LTA: variants seen among roughly 807,000 people sequenced by gnomAD.
LTA encodes the protein lymphotoxin alpha.
A neutral mutation model predicts 15.1 loss-of-function variants in LTA; 6 were observed. The observed-to-expected ratio is 0.40, with a 90% CI of 0.22 to 0.78. The LOEUF is 0.78. Among genes scored for constraint, LTA ranks in the 30% least tolerant of loss-of-function variants. The pLI, the probability that LTA is intolerant of heterozygous loss-of-function variation, is 0.38. For missense variants in LTA, 173 were observed against 249.5 expected, an observed-to-expected ratio of 0.69 and a Z score of 2.06; for synonymous variants, 87 against 107.3, an observed-to-expected ratio of 0.81 and a Z score of 1.17.
chr6:31,562,852 TC>T, the LTA span, among the ~76,000 whole-genome samples: 8 of 82,682 alleles, frequency 9.7e-5, no homozygotes, highest in South Asian at 4.9e-4. Context: ...AGAGCGAGAC[TC>T]AGTCTCAAAA....
the LTA span, among the ~76,000 whole-genome samples, chr6:31,566,032 G>A: frequency 6.6e-6 from 1 of 152,048 alleles, no homozygotes; most frequent in Non-Finnish European, 1.5e-5. Context: ...ACCAAAATTA[G>A]CCAGGCACGG....
At chr6:31,572,677 T>TCCGCCGCGTGCC in intron 1 of LTA, 57 bp from the exon 2 acceptor site, 1 of 1,331,778 alleles carries the variant, frequency 7.5e-7, no homozygotes, top group Non-Finnish European at 1.1e-6. Flanking sequence ...AGGTCTGTCT[T>TCCGCCGCGTGCC]CCGCCGCGTG....
In LTA at chr6:31,573,610, G is replaced by A; in HGVS notation, c.535G>A (p.Asp179Asn). 3 of 1,614,158 alleles carry A rather than the reference G, an allele frequency of 1.9e-6. No homozygotes were observed. Among genetic ancestry groups the A allele is most frequent in the Non-Finnish European group, 2.5e-6 (3 of 1,180,014 alleles). Reference protein sequence around the residue: ...HGAAFQLTQGDQLSTHTDGIP... With the variant: ...HGAAFQLTQGNQLSTHTDGIP... ...GGCTGCGTTCCAGCTCACCCAGGGA[G>A]ACCAGCTATCCACCCACACAGATGG... The change falls in exon 4 of 4, where the codon GAC becomes AAC. Residue 179 changes from aspartate (D) to asparagine (N), a missense_variant. Asp to Asn is a conservative substitution (Grantham distance 23). Coordinates refer to ENST00000418386, the MANE Select transcript of LTA (RefSeq NM_000595.4).
the LTA span, among the ~76,000 whole-genome samples, chr6:31,566,375 G>A: frequency 2.6e-5 from 4 of 152,206 alleles, no homozygotes; most frequent in Admixed American, 6.5e-5. Flanking sequence ...GGGTGCAGTG[G>A]CACATGTCTG....
chr6:31,561,883 G>T, the LTA span, among the ~76,000 whole-genome samples: 10 of 152,010 alleles, frequency 6.6e-5, no homozygotes, highest in Non-Finnish European at 1.2e-4. Context: ...AAGGTTTGAG[G>T]TACCAGCATG....
intron 1 of LTA, 31 bp from the exon 2 acceptor site, chr6:31,572,703 T>TGG: frequency 6.7e-7 from 1 of 1,489,620 alleles, no homozygotes; most frequent in Non-Finnish European, 9.2e-7. Flanking sequence ...CCCCGCTCAC[T>TGG]GTCTCTCTCT....
chr6:31,564,239 A>T, the LTA span, among the ~76,000 whole-genome samples: 1 of 152,184 alleles, frequency 6.6e-6, no homozygotes, highest in Admixed American at 6.5e-5. Context: ...TTGAGAGGCC[A>T]GACTGTAAGA....
At position 31,572,414 on chromosome 6, in the gene LTA, C is replaced by A; in HGVS notation, c.-42C>A. On this transcript the variant is annotated 5_prime_UTR_variant, in exon 1 of 4. It adds an upstream start codon to the 5' untranslated region. Coordinates refer to ENST00000418386, the MANE Select transcript of LTA (RefSeq NM_000595.4). ...CCTCGGTCCCTCCTGCACCTGCTGC[C>A]TGGATCCCCGGCCTGCCTGGGCCTG... The A allele has an allele frequency of 2.0e-6, 1 of 492,812 alleles. No homozygotes were observed. Among genetic ancestry groups the A allele is most frequent in the Non-Finnish European group, 3.6e-6 (1 of 275,212 alleles). 30.5% of individuals were successfully genotyped at this position (492,812 alleles called of 1,614,324 possible).
intron 2 of LTA, 25 bp from the exon 3 acceptor site, chr6:31,572,903 C>A (rs1239662242): frequency 1.2e-6 from 2 of 1,610,378 alleles, no homozygotes; most frequent in East Asian, 2.2e-5. Context: ...GCCCTAGAGC[C>A]CCCCTCAACT....
chr6:31,567,621 T>TCTCC (rs1770637797), upstream of LTA, among the ~76,000 whole-genome samples: 1 of 145,654 alleles, frequency 6.9e-6, no homozygotes, highest in Non-Finnish European at 1.5e-5. Context: ...TCTCTCTCTC[T>TCTCC]CTCCCTCCCC....
At chr6:31,572,589 G>C in intron 1 of LTA, 143 bp downstream of exon 1, 1 of 617,318 alleles carries the variant, frequency 1.6e-6, no homozygotes, top group Non-Finnish European at 2.9e-6. Context: ...TCACCTTGGG[G>C]TTTCTCTGAC....
the LTA span, among the ~76,000 whole-genome samples, chr6:31,563,849 C>A: frequency 6.6e-6 from 1 of 152,152 alleles, no homozygotes; most frequent in Non-Finnish European, 1.5e-5. Flanking sequence ...CTCAGGTGAT[C>A]CGCCCACCTT....
rs1254814124 is a variant in LTA, at chr6:31,572,387, G to A, written c.-69G>A. 1.6e-5 allele frequency: 7 copies of A among 427,510 alleles called. No individual in the cohort carries two copies. In the East Asian group the frequency reaches 2.8e-4, roughly 17 times the overall value. 26.5% of individuals were successfully genotyped at this position (427,510 alleles called of 1,614,324 possible). A position where few individuals can be genotyped will look rare whatever the true frequency, so the allele number is the denominator to read the frequency against. On this transcript the variant is annotated 5_prime_UTR_variant, in exon 1 of 4. Coordinates refer to ENST00000418386, the MANE Select transcript of LTA (RefSeq NM_000595.4). ...CCAGCAGTGTCCTGCCCTCTGCCTG[G>A]GCCTCGGTCCCTCCTGCACCTGCTG...
the LTA span, among the ~76,000 whole-genome samples, chr6:31,563,333 AAG>A: frequency 8.9e-3 from 1,336 of 150,060 alleles, 19 homozygotes; most frequent in South Asian, 0.068. Flanking sequence ...ATTAAGGAAA[AAG>A]AGGGAAGTGA....
upstream of LTA, among the ~76,000 whole-genome samples, chr6:31,570,309 G>C (rs1770765688): frequency 6.6e-6 from 1 of 152,152 alleles, no homozygotes; most frequent in Non-Finnish European, 1.5e-5. Context: ...TACACACCCA[G>C]AATGTTACTT....
chr6:31,561,565 C>T, the LTA span, among the ~76,000 whole-genome samples: 3 of 151,992 alleles, frequency 2.0e-5, no homozygotes, highest in African/African-American at 7.3e-5. Flanking sequence ...GTCTTGGGCA[C>T]CTGTAATCCC....
At chr6:31,565,984 C>T in the LTA span, among the ~76,000 whole-genome samples, 1 of 152,140 alleles carries the variant, frequency 6.6e-6, no homozygotes, top group East Asian at 1.9e-4. Context: ...TCAAGACCAG[C>T]CTGCCCAACA....
Position 31,573,908 on chromosome 6 carries a change from G to A in LTA, c.*215G>A, listed in dbSNP as rs1174932561. 2 of 714,424 alleles carry A rather than the reference G, an allele frequency of 2.8e-6. No individual in the cohort carries two copies. The highest frequency in any genetic ancestry group is 5.0e-6 in the Non-Finnish European group (2 of 398,028). The allele number at this position is 714,424 out of a possible 1,614,324, so 44.3% of individuals were successfully genotyped here. A position where few individuals can be genotyped will look rare whatever the true frequency, so the allele number is the denominator to read the frequency against. On this transcript the variant is annotated 3_prime_UTR_variant, in exon 4 of 4. Coordinates refer to ENST00000418386, the MANE Select transcript of LTA (RefSeq NM_000595.4). The stretch of plus-strand genomic sequence containing the variant: ...CTGAACCATCCCTGATGTCTGTCTG[G>A]CTGAGGATTTCAAGCCTGCCTAGGA...
At position 31,573,720 on chromosome 6, in the gene LTA, AT is replaced by A. The variant is rs1395961569; in HGVS notation, c.*28del. ...ACTTGGAAAAATCCAGAAAGAAAAA[AT>A]AATTGATTTCAAGACCTTCTCCCCA... On this transcript the variant is annotated 3_prime_UTR_variant, in exon 4 of 4. Transcript: ENST00000418386. 2 of 1,612,570 alleles carry A rather than the reference AT, an allele frequency of 1.2e-6. No homozygotes were observed.
Sources: allele counts gnomAD v4.1 joint callset (sites outside exome capture counted in the v4.1 genomes callset), GRCh38; gene constraint gnomAD v4.1.1; transcripts MANE v1.5; gene names NCBI Gene and HGNC (gene_info 2026-07-23, HGNC 2026-07-21).